SLC35F1: variants seen among roughly 807,000 people sequenced by gnomAD.
SLC35F1 encodes chromosome 6 open reading frame 169.
In SLC35F1, 14 loss-of-function variants were observed where a neutral mutation model predicts 48.7. The observed-to-expected ratio is 0.29, with a 90% CI of 0.19 to 0.45. The LOEUF (loss-of-function observed/expected upper bound fraction) is 0.45, where lower values mean the gene tolerates loss of function less well. SLC35F1 is among the 20% of genes least tolerant of loss of function. The pLI is 1.00. For missense variants in SLC35F1, 404 were observed against 500.0 expected, an observed-to-expected ratio of 0.81 and a Z score of 1.83; for synonymous variants, 190 against 202.2, an observed-to-expected ratio of 0.94 and a Z score of 0.51.
At chr6:118,112,472 A>G (rs1773421363) in intron 1 of SLC35F1, among the ~76,000 whole-genome samples, 1 of 152,102 alleles carries the variant, frequency 6.6e-6, no homozygotes, top group Non-Finnish European at 1.5e-5. Flanking sequence ...TACTCTGTCT[A>G]TGAAGCTGTT....
chr6:118,057,572 A>C (rs925036271), intron 1 of SLC35F1, among the ~76,000 whole-genome samples: 8 of 152,236 alleles, frequency 5.3e-5, no homozygotes, highest in African/African-American at 1.9e-4. Flanking sequence ...AGAAGAGATT[A>C]ATCTGGCTAA....
chr6:118,170,374 A>G (rs1202312215), intron 2 of SLC35F1, among the ~76,000 whole-genome samples: 2 of 152,222 alleles, frequency 1.3e-5, no homozygotes, highest in South Asian at 2.1e-4. Flanking sequence ...GCTAAATTCT[A>G]CAAAGAAGCC....
intron 2 of SLC35F1, among the ~76,000 whole-genome samples, chr6:118,186,509 C>G (rs1774659154): frequency 1.3e-5 from 2 of 152,140 alleles, no homozygotes; most frequent in Non-Finnish European, 2.9e-5. Context: ...AAATCACTGT[C>G]TTCCTCCTCC....
intron 1 of SLC35F1, among the ~76,000 whole-genome samples, chr6:118,113,435 T>C (rs1773436610): frequency 6.6e-6 from 1 of 152,206 alleles, no homozygotes; most frequent in East Asian, 1.9e-4. Context: ...TTATAATAAA[T>C]GTACCACTCT....
chr6:118,194,891 C>CT (rs201560769), intron 2 of SLC35F1, among the ~76,000 whole-genome samples: 62 of 149,980 alleles, frequency 4.1e-4, no homozygotes, highest in African/African-American at 1.2e-4. Context: ...AAAAGAAAAT[C>CT]TTTTTTTTTT....
At chr6:118,286,918 A>G (rs1776058431) in intron 7 of SLC35F1, among the ~76,000 whole-genome samples, 1 of 152,052 alleles carries the variant, frequency 6.6e-6, no homozygotes, top group Non-Finnish European at 1.5e-5. Flanking sequence ...GAACTTACTC[A>G]TTTTATAACT....
chr6:118,030,050 G>A (rs144355872), intron 1 of SLC35F1, among the ~76,000 whole-genome samples: 10 of 152,272 alleles, frequency 6.6e-5, no homozygotes, highest in Middle Eastern at 3.4e-3. Flanking sequence ...ACAAGGTGTC[G>A]AAGTGGTCAA....
chr6:117,913,624 G>A (rs1219284866), intron 1 of SLC35F1, among the ~76,000 whole-genome samples: 1 of 152,118 alleles, frequency 6.6e-6, no homozygotes, highest in African/African-American at 2.4e-5. Context: ...AATTTCACAA[G>A]AAATGTCAAA....
intron 1 of SLC35F1, among the ~76,000 whole-genome samples, chr6:118,053,272 A>C (rs1046669844): frequency 1.3e-5 from 2 of 152,200 alleles, no homozygotes; most frequent in African/African-American, 4.8e-5. Context: ...AGTAAGATTT[A>C]AGAAGACTAG....
At chr6:118,126,938 T>C (rs1391615840) in intron 1 of SLC35F1, among the ~76,000 whole-genome samples, 1 of 152,176 alleles carries the variant, frequency 6.6e-6, no homozygotes, top group African/African-American at 2.4e-5. Flanking sequence ...CAGGGACAAT[T>C]TGACTTCCTC....
intron 2 of SLC35F1, among the ~76,000 whole-genome samples, chr6:118,211,127 A>G (rs914228041): frequency 1.3e-5 from 2 of 152,174 alleles, no homozygotes; most frequent in African/African-American, 4.8e-5. Context: ...GAAGAAATCA[A>G]CTCTGTCAAC....
At chr6:117,945,381 G>T (rs1055141156) in intron 1 of SLC35F1, among the ~76,000 whole-genome samples, 1 of 152,148 alleles carries the variant, frequency 6.6e-6, no homozygotes, top group South Asian at 2.1e-4. Flanking sequence ...TATTTATTCA[G>T]TACTTGCTAC....
intron 2 of SLC35F1, among the ~76,000 whole-genome samples, chr6:118,212,208 GATTT>G: frequency 1.3e-5 from 2 of 152,264 alleles, no homozygotes; most frequent in Middle Eastern, 6.8e-3. Context: ...AGTTGGTTTT[GATTT>G]GTTTCAGTAG....
chr6:117,926,994 G>A lies in SLC35F1; in HGVS notation c.173+19095G>A, dbSNP rs1046732768. On this transcript the variant is annotated intron_variant, in intron 1 of 7. Transcript: ENST00000360388. ...ACTGCATAAGAGAAATGTGAATTGA[G>A]TTTGATGCTGGTCAATGTTTGATTT... Among the ~76,000 whole-genome samples, 21 of 152,124 alleles carry A rather than the reference G, an allele frequency of 1.4e-4. 1 individual carries two copies. Among genetic ancestry groups the A allele is most frequent in the African/African-American group, 9.7e-5 (4 of 41,434 alleles).
intron 2 of SLC35F1, among the ~76,000 whole-genome samples, chr6:118,214,380 T>C (rs1466682980): frequency 6.6e-6 from 1 of 152,088 alleles, no homozygotes; most frequent in Non-Finnish European, 1.5e-5. Context: ...AACAAGAAAA[T>C]TACCACTTAC....
intron 1 of SLC35F1, among the ~76,000 whole-genome samples, chr6:118,145,493 G>A (rs1321428820): frequency 6.6e-6 from 1 of 152,078 alleles, no homozygotes; most frequent in East Asian, 1.9e-4. Flanking sequence ...CACAAAAAAG[G>A]TCAATTAAAA....
chr6:118,289,914 A>G (rs1469570688), intron 7 of SLC35F1, among the ~76,000 whole-genome samples: 1 of 152,172 alleles, frequency 6.6e-6, no homozygotes, highest in East Asian at 1.9e-4. Context: ...AAATGGTTAT[A>G]CTTCCATTTT....
chr6:117,973,819 G>A (rs1170078427), intron 1 of SLC35F1, among the ~76,000 whole-genome samples: 1 of 152,180 alleles, frequency 6.6e-6, no homozygotes, highest in Non-Finnish European at 1.5e-5. Flanking sequence ...AATAAGTGAA[G>A]GATGACCAGA....
intron 1 of SLC35F1, among the ~76,000 whole-genome samples, chr6:118,020,446 G>A (rs1011972012): frequency 6.6e-6 from 1 of 152,188 alleles, no homozygotes; most frequent in Non-Finnish European, 1.5e-5. Context: ...ACTGATAATT[G>A]TATGCAAAGT....
Sources: allele counts gnomAD v4.1 joint callset (sites outside exome capture counted in the v4.1 genomes callset), GRCh38; gene constraint gnomAD v4.1.1; transcripts MANE v1.5; gene names NCBI Gene and HGNC (gene_info 2026-07-23, HGNC 2026-07-21).